Variants in MAN1C1 observed in about 807,000 individuals in gnomAD.
MAN1C1 encodes the protein mannosidase alpha class 1C member 1, also known as mannosyl-oligosaccharide 1,2-alpha-mannosidase IC.
Under a neutral mutation model 71.5 loss-of-function variants are expected in MAN1C1, and 49 were observed. The ratio of observed to expected loss-of-function variants is 0.69; its 90% CI spans 0.54 to 0.87. MAN1C1 has a LOEUF of 0.87. Among genes scored for constraint, MAN1C1 ranks in the 40% least tolerant of loss-of-function variants. MAN1C1 has a pLI of 0.00. For missense variants in MAN1C1, 743 were observed against 835.0 expected (o/e 0.89, Z 1.36); for synonymous variants, 352 against 343.7 (o/e 1.02, Z -0.27).
At chr1:25,781,478 G>A (rs1253007305) in intron 10 of MAN1C1, among the ~76,000 whole-genome samples, 1 of 152,136 alleles carries the variant, frequency 6.6e-6, no homozygotes, top group Non-Finnish European at 1.5e-5. Context: ...TCGAAGCTGG[G>A]CAGCTCACCT....
At chr1:25,641,557 G>A (rs772118117) in intron 1 of MAN1C1, among the ~76,000 whole-genome samples, 10 of 152,136 alleles carry the variant, frequency 6.6e-5, no homozygotes, top group Non-Finnish European at 1.2e-4. Flanking sequence ...GAATTATCTG[G>A]GGCATTTTAG....
At chr1:25,760,193 A>G (rs2047342806) in intron 6 of MAN1C1, 1 of 152,248 alleles carries the variant, frequency 6.6e-6, no homozygotes, top group African/African-American at 2.4e-5. Flanking sequence ...TGGGCACTTT[A>G]TAATGGCTCT....
In MAN1C1 at chr1:25,779,141, G is replaced by A. The variant is rs1030691761; in HGVS notation, c.1477+817G>A. Reference sequence around the variant, plus strand: ...AGTGGTAATCCCAGTGTTGGTTGGAGGGGACGACCCAAGATTTGCAGTAAA... The same window carrying A: ...AGTGGTAATCCCAGTGTTGGTTGGAAGGGACGACCCAAGATTTGCAGTAAA... On this transcript the variant is annotated intron_variant, in intron 9 of 11. Transcript: ENST00000374332. The surrounding 1 kb of genome is among the most constrained non-coding windows in gnomAD (Gnocchi z 4.6). Among the ~76,000 whole-genome samples, 3 of 152,208 alleles carry A rather than the reference G, an allele frequency of 2.0e-5. No individual in the cohort carries two copies. The highest frequency in any genetic ancestry group is 4.4e-5 in the Non-Finnish European group (3 of 68,034).
intron 2 of MAN1C1, among the ~76,000 whole-genome samples, chr1:25,731,930 C>G (rs2046914791): frequency 6.6e-6 from 1 of 152,210 alleles, no homozygotes; most frequent in African/African-American, 2.4e-5. Flanking sequence ...TGGCATCACA[C>G]TAGGCTCTTT....
intron 1 of MAN1C1, among the ~76,000 whole-genome samples, chr1:25,660,703 A>T (rs1449278778): frequency 6.8e-6 from 1 of 147,218 alleles, no homozygotes; most frequent in African/African-American, 2.5e-5. Flanking sequence ...CTGAAACTCC[A>T]TTTTTGAGAC....
At chr1:25,708,355 ATATAT>A (rs1316363387) in intron 2 of MAN1C1, among the ~76,000 whole-genome samples, 2 of 152,176 alleles carry the variant, frequency 1.3e-5, no homozygotes, top group African/African-American at 2.4e-5. Context: ...TAGCATGCTA[ATATAT>A]TATAATTAGT....
chr1:25,772,914 C>T (rs1487667092), intron 8 of MAN1C1, among the ~76,000 whole-genome samples: 1 of 152,226 alleles, frequency 6.6e-6, no homozygotes, highest in South Asian at 2.1e-4. Context: ...TTGCTGTCCC[C>T]TCTGCCTGGA....
At chr1:25,740,834 G>C (rs115727262) in intron 2 of MAN1C1, among the ~76,000 whole-genome samples, 3,679 of 152,132 alleles carry the variant, frequency 0.024, 118 homozygotes, top group African/African-American at 0.083. Context: ...AAGGGGGCGG[G>C]GAGGAAGCCA....
rs994112950 is a variant in MAN1C1, at chr1:25,779,751, C to T, written c.1478-1189C>T. Among the ~76,000 whole-genome samples, 5 of 152,202 alleles carry T rather than the reference C, an allele frequency of 3.3e-5. No individual in the cohort carries two copies. Among genetic ancestry groups the T allele is most frequent in the Admixed American group, 2.0e-4 (3 of 15,288 alleles). ...ACACCATTTGAAAAGGTTAGAGAGGCTAGGGTCTAGCTAATTCCTCTTCCC... is the reference window on the plus strand; with the variant it reads ...ACACCATTTGAAAAGGTTAGAGAGGTTAGGGTCTAGCTAATTCCTCTTCCC... On this transcript the variant is annotated intron_variant, in intron 9 of 11. Transcript: ENST00000374332. The surrounding 1 kb of genome is among the most constrained non-coding windows in gnomAD (Gnocchi z 4.6).
intron 1 of MAN1C1, among the ~76,000 whole-genome samples, chr1:25,626,743 T>C (rs1228131725): frequency 6.6e-6 from 1 of 152,220 alleles, no homozygotes; most frequent in Non-Finnish European, 1.5e-5. Context: ...GTCTATTTAC[T>C]GTCTTATTGA....
chr1:25,631,388 T>C lies in MAN1C1; in HGVS notation c.540+13051T>C, dbSNP rs556654878. 1.8e-4 allele frequency among the ~76,000 whole-genome samples: 28 copies of C among 152,362 alleles called. No homozygotes were observed. Among genetic ancestry groups the C allele is most frequent in the African/African-American group, 6.0e-4 (25 of 41,594 alleles). The stretch of plus-strand genomic sequence containing the variant: ...ATGTTGGTTATGGGTTTGTCATATA[T>C]GGCTTTTATTATTTTGAGATAAGTC... On this transcript the variant is annotated intron_variant, in intron 1 of 11. Transcript: ENST00000374332. The surrounding 1 kb of genome is among the most constrained non-coding windows in gnomAD (Gnocchi z 4.2).
rs2045107379 is a variant in MAN1C1, at chr1:25,616,997, C to T, written c.-801C>T. On this transcript the variant is annotated 5_prime_UTR_variant, in exon 1 of 12. Transcript: ENST00000374332. This position sits in a 1 kb window ranked among gnomAD's most constrained non-coding sequence, Gnocchi z 5.6. The stretch of plus-strand genomic sequence containing the variant: ...GAACAGGTGATCCCAGTGGGAGCCC[C>T]GCGCCCTGCCGAGTTCGAGGGGCGG... Among the ~76,000 whole-genome samples the T allele has an allele frequency of 6.6e-6, 1 of 151,654 alleles. No individual in the cohort carries two copies.
chr1:25,658,126 A>G (rs2045794660), intron 1 of MAN1C1, among the ~76,000 whole-genome samples: 1 of 152,238 alleles, frequency 6.6e-6, no homozygotes, highest in Non-Finnish European at 1.5e-5. Flanking sequence ...AGGGTGGCCT[A>G]GTAGATATTA....
rs1332379028 is a variant in MAN1C1 at position 25,763,967 on chromosome 1, C to T, written c.1141C>T (p.His381Tyr). 3.7e-6 allele frequency: 6 copies of T among 1,612,736 alleles called. No individual in the cohort carries two copies. Among genetic ancestry groups the T allele is most frequent in the South Asian group, 1.1e-5 (1 of 91,072 alleles). The change falls in exon 7 of 12, where the codon CAC becomes TAC. Residue 381 changes from histidine to tyrosine, a missense_variant and splice_region_variant. Transcript: ENST00000374332. ...CCCAGTGAGTGGGAACTGGGTGCAACGTGAGTACAGAGACGCCACTGCCCC... is the reference window on the plus strand; with the variant it reads ...CCCAGTGAGTGGGAACTGGGTGCAATGTGAGTACAGAGACGCCACTGCCCC... ...LSPVSGNWVQHHVSVGGLGDS... is the reference protein window; with the variant it reads ...LSPVSGNWVQYHVSVGGLGDS...
intron 2 of MAN1C1, among the ~76,000 whole-genome samples, chr1:25,693,030 G>A (rs1183478544): frequency 6.6e-6 from 1 of 152,150 alleles, no homozygotes; most frequent in Non-Finnish European, 1.5e-5. Context: ...GAAAATCTGA[G>A]TATAACTTTT....
At chr1:25,748,988 A>G (rs565577872) in intron 3 of MAN1C1, among the ~76,000 whole-genome samples, 1 of 152,372 alleles carries the variant, frequency 6.6e-6, no homozygotes, top group Non-Finnish European at 1.5e-5. Flanking sequence ...GAGCACAACC[A>G]GGCATCGCTT....
At chr1:25,701,283 G>T (rs904696681) in intron 2 of MAN1C1, among the ~76,000 whole-genome samples, 1 of 152,228 alleles carries the variant, frequency 6.6e-6, no homozygotes, top group Non-Finnish European at 1.5e-5. Context: ...ACAAAAGCTG[G>T]CAAATAAACC....
chr1:25,622,185 C>T (rs1318723852), intron 1 of MAN1C1, among the ~76,000 whole-genome samples: 1 of 152,130 alleles, frequency 6.6e-6, no homozygotes, highest in Admixed American at 6.5e-5. Flanking sequence ...TGCTGTTGGC[C>T]CAGTGTTCTT....
In MAN1C1 at chr1:25,766,791, C is replaced by G. The variant is rs191190484; in HGVS notation, c.1141+2824C>G. On this transcript the variant is annotated intron_variant, in intron 7 of 11. Coordinates refer to ENST00000374332, the MANE Select transcript of MAN1C1 (RefSeq NM_020379.4). ...TGAGTAACTTGTCCACTGCCTGAAT[C>G]CCACACTTTCTTCTGTGGGAGGGAA... Among the ~76,000 whole-genome samples the G allele has an allele frequency of 1.2e-4, 19 of 152,222 alleles. 1 individual carries two copies. Among genetic ancestry groups the G allele is most frequent in the Admixed American group, 7.8e-4 (12 of 15,292 alleles).
Sources: gnomAD v4.1 joint callset for allele counts (sites outside exome capture counted in the v4.1 genomes callset) on GRCh38, gnomAD v4.1.1 for gene constraint, Gnocchi (gnomAD v3.1) non-coding constraint, MANE v1.5 for transcripts, NCBI Gene and HGNC (gene_info 2026-07-23, HGNC 2026-07-21) for gene names.